Variants in LCOR observed in about 807,000 individuals in gnomAD.
The protein encoded by LCOR is ligand-dependent corepressor.
LCOR carries 14 observed loss-of-function variants against 64.4 expected under a neutral mutation model. That is an observed-to-expected ratio of 0.22 (90% CI 0.14 to 0.34). The LOEUF (loss-of-function observed/expected upper bound fraction) is 0.34, where lower values mean the gene tolerates loss of function less well. Ranked by LOEUF, LCOR falls within the 10% of genes least tolerant of loss-of-function variation. LCOR has a pLI of 1.00. For synonymous variants in LCOR, 643 were observed against 642.5 expected (o/e 1.00, Z -0.01); for missense variants, 1,686 against 1,765.3 (o/e 0.96, Z 0.80).
chr10:96,833,914 G>A (rs1186284164), intron 2 of LCOR, among the ~76,000 whole-genome samples: 1 of 152,172 alleles, frequency 6.6e-6, no homozygotes, highest in Non-Finnish European at 1.5e-5. Flanking sequence ...TGGGGGGAAG[G>A]GTGGAGGGGG....
intron 2 of LCOR, among the ~76,000 whole-genome samples, chr10:96,847,406 TTTTATTTATTTA>T (rs137983276): frequency 1.4e-4 from 21 of 150,842 alleles, no homozygotes; most frequent in African/African-American, 5.1e-4. Context: ...GTCAAGAGTA[TTTTATTTATTTA>T]TTTATTTATT....
intron 2 of LCOR, among the ~76,000 whole-genome samples, chr10:96,846,429 T>TC: frequency 6.6e-6 from 1 of 152,106 alleles, no homozygotes. Flanking sequence ...ATTTTTTTTT[T>TC]CTTCTAGAGA....
At chr10:96,873,574 G>GTA (rs1846111695) in intron 2 of LCOR, among the ~76,000 whole-genome samples, 1 of 65,906 alleles carries the variant, frequency 1.5e-5, no homozygotes, top group Non-Finnish European at 2.6e-5. Flanking sequence ...ACACACACGT[G>GTA]TGTGTGTGTG....
In LCOR at chr10:96,889,003, A is replaced by C. The variant is rs926110402; in HGVS notation, c.-329-18262A>C. On this transcript the variant is annotated intron_variant, in intron 2 of 7. Transcript: ENST00000421806. ...TCCGTTATTTCACTCCATTTTAAAAAACTAAAATTCACCATTTGAGCCATT... is the reference window on the plus strand; with the variant it reads ...TCCGTTATTTCACTCCATTTTAAAACACTAAAATTCACCATTTGAGCCATT... 9.2e-5 allele frequency among the ~76,000 whole-genome samples: 14 copies of C among 152,332 alleles called. No individual in the cohort carries two copies. In the Middle Eastern group the frequency reaches 0.017, roughly 185 times the overall value.
rs1848131327 is a variant in LCOR at position 96,984,745 on chromosome 10, A to G, written c.4285A>G (p.Thr1429Ala). ...ASKEKHADGATKTPAAKRPAA... is the reference protein window; with the variant it reads ...ASKEKHADGAAKTPAAKRPAA... ...CAAAGAAAAGCATGCTGATGGAGCC[A>G]CCAAAACCCCTGCTGCCAAGAGGCC... Residue 1429 changes from threonine to alanine, a missense_variant, in exon 8 of 8, where the codon ACC becomes GCC. This residue lies in a region of LCOR where 1,293 missense variants were observed against 1,410.4 expected (regional missense o/e 0.92). Coordinates refer to ENST00000421806, the MANE Select transcript of LCOR (RefSeq NM_001346516.2). 2 of 1,613,742 alleles carry G rather than the reference A, an allele frequency of 1.2e-6. No individual in the cohort carries two copies. The highest frequency in any genetic ancestry group is 1.7e-4 in the Middle Eastern group (1 of 6,058).
intron 2 of LCOR, among the ~76,000 whole-genome samples, chr10:96,857,669 G>T (rs544428418): frequency 6.6e-6 from 1 of 152,134 alleles, no homozygotes; most frequent in Admixed American, 6.6e-5. Context: ...ACTGCCTAAA[G>T]CATTGTTTCA....
intron 2 of LCOR, among the ~76,000 whole-genome samples, chr10:96,866,308 T>G (rs1278253186): frequency 5.9e-5 from 9 of 152,216 alleles, no homozygotes; most frequent in Non-Finnish European, 8.8e-5. Context: ...ATACTTTGTC[T>G]CTATTCATTT....
At chr10:96,888,415 A>C (rs1293757595) in intron 2 of LCOR, among the ~76,000 whole-genome samples, 1 of 147,026 alleles carries the variant, frequency 6.8e-6, no homozygotes, top group African/African-American at 2.5e-5. Context: ...TGTCAATTTC[A>C]GCTTCCAAGA....
At chr10:96,859,394 T>C (rs764846561) in intron 2 of LCOR, among the ~76,000 whole-genome samples, 10 of 152,102 alleles carry the variant, frequency 6.6e-5, no homozygotes, top group Non-Finnish European at 1.2e-4. Flanking sequence ...GTATTTTTAG[T>C]AGAGATGGAG....
At chr10:96,928,051 G>T (rs1847198101) in intron 4 of LCOR, among the ~76,000 whole-genome samples, 1 of 152,144 alleles carries the variant, frequency 6.6e-6, no homozygotes, top group Non-Finnish European at 1.5e-5. Context: ...CTGGTGAAAG[G>T]TCTTGTCTTG....
At chr10:96,870,189 A>G (rs1181022207) in intron 2 of LCOR, among the ~76,000 whole-genome samples, 1 of 151,284 alleles carries the variant, frequency 6.6e-6, no homozygotes, top group Non-Finnish European at 1.5e-5. Context: ...CGCCCGGCTA[A>G]TTTTTTGTTT....
At position 96,832,313 on chromosome 10, in the gene LCOR, T is replaced by C. The variant is rs1223457469; in HGVS notation, c.-490T>C. On this transcript the variant is annotated 5_prime_UTR_variant, in exon 1 of 8. Transcript: ENST00000421806. ...GGCGGGCGGCAGAAGATGGCGAGGGTGTGTAGGCGGCAGCAATGCTCCGTT... is the reference window on the plus strand; with the variant it reads ...GGCGGGCGGCAGAAGATGGCGAGGGCGTGTAGGCGGCAGCAATGCTCCGTT... 2.3e-5 allele frequency: 23 copies of C among 980,210 alleles called. No homozygotes were observed. The highest frequency in any genetic ancestry group is 2.7e-5 in the Non-Finnish European group (22 of 827,928). The allele number at this position is 980,210 out of a possible 1,614,324, so 60.7% of individuals were successfully genotyped here.
chr10:96,869,112 G>T (rs1846027360), intron 2 of LCOR, among the ~76,000 whole-genome samples: 1 of 151,990 alleles, frequency 6.6e-6, no homozygotes, highest in Non-Finnish European at 1.5e-5. Flanking sequence ...CACCATGTTG[G>T]CTAGGCTGGT....
intron 4 of LCOR, among the ~76,000 whole-genome samples, chr10:96,918,498 A>G (rs902837386): frequency 2.6e-5 from 4 of 152,200 alleles, no homozygotes; most frequent in African/African-American, 9.7e-5. Flanking sequence ...CAGTGAAAGG[A>G]ATGATGAAAA....
rs146360818 is a variant in LCOR at position 96,981,832 on chromosome 10, G to A, written c.1372G>A (p.Ala458Thr). The A allele has an allele frequency of 1.9e-6, 3 of 1,614,218 alleles. No homozygotes were observed. The highest frequency in any genetic ancestry group is 4.5e-5 in the East Asian group (2 of 44,886). The change falls in exon 8 of 8, where the codon GCA becomes ACA. Residue 458 changes from alanine (A) to threonine (T), a missense_variant. By Grantham distance (58) the Ala-to-Thr change is moderately conservative. Transcript: ENST00000421806. ...SIKTARKSKR[A>T]SGLRINDYDN... is the part of the protein sequence containing the mutation. ...CAAGACAGCTCGGAAAAGTAAAAGGGCATCAGGGCTGAGGATAAATGATTA... is the reference window on the plus strand; with the variant it reads ...CAAGACAGCTCGGAAAAGTAAAAGGACATCAGGGCTGAGGATAAATGATTA...
chr10:96,958,919 A>AAC (rs1044847397), intron 7 of LCOR: 1 of 152,054 alleles, frequency 6.6e-6, no homozygotes, highest in African/African-American at 2.4e-5. Flanking sequence ...AAAAAAAAAA[A>AAC]AAAAAAAACA....
At chr10:96,897,943 C>T (rs1589640873) in intron 2 of LCOR, among the ~76,000 whole-genome samples, 1 of 145,404 alleles carries the variant, frequency 6.9e-6, no homozygotes, top group East Asian at 2.0e-4. Context: ...AAGTCTTTAG[C>T]TTGCCTGACA....
At chr10:96,858,876 C>T (rs145156197) in intron 2 of LCOR, among the ~76,000 whole-genome samples, 13 of 152,260 alleles carry the variant, frequency 8.5e-5, no homozygotes, top group Admixed American at 2.0e-4. Flanking sequence ...CATCTGTGTC[C>T]ATTACACAGA....
intron 2 of LCOR, among the ~76,000 whole-genome samples, chr10:96,859,101 A>G (rs762062958): frequency 9.9e-5 from 15 of 152,146 alleles, no homozygotes; most frequent in Non-Finnish European, 1.8e-4. Context: ...AGTTCAGAGC[A>G]TAAAATGAGG....
Sources: allele counts gnomAD v4.1 joint callset (sites outside exome capture counted in the v4.1 genomes callset), GRCh38; gene constraint gnomAD v4.1.1; regional missense constraint gnomAD v4.1.1; transcripts MANE v1.5; gene names NCBI Gene and HGNC (gene_info 2026-07-23, HGNC 2026-07-21).